PDGFRA: variants seen among roughly 807,000 people sequenced by gnomAD.
The protein encoded by PDGFRA is platelet-derived growth factor receptor alpha.
PDGFRA carries 25 observed loss-of-function variants against 121.5 expected under a neutral mutation model. The ratio of observed to expected loss-of-function variants is 0.21; its 90% CI spans 0.15 to 0.29. PDGFRA has a LOEUF of 0.29. Among genes scored for constraint, PDGFRA ranks in the 10% least tolerant of loss-of-function variants. The pLI is 1.00. For synonymous variants in PDGFRA, 463 were observed against 494.8 expected, an observed-to-expected ratio of 0.94 and a Z score of 0.85; for missense variants, 1,008 against 1,345.1, an observed-to-expected ratio of 0.75 and a Z score of 3.92.
intron 16 of PDGFRA, chr4:54,280,902 C>T (rs1724048129): frequency 6.1e-6 from 1 of 165,038 alleles, no homozygotes; most frequent in East Asian, 1.7e-4. Flanking sequence ...ATGTTGGTTC[C>T]TCACCTTGCT....
chr4:54,245,972 A>G (rs1465627404), intron 1 of PDGFRA, among the ~76,000 whole-genome samples: 2 of 152,172 alleles, frequency 1.3e-5, no homozygotes, highest in Non-Finnish European at 2.9e-5. Context: ...AAAGAAGGCC[A>G]TTACATAATG....
chr4:54,232,536 G>A (rs796525240), intron 1 of PDGFRA, among the ~76,000 whole-genome samples: 3 of 152,332 alleles, frequency 2.0e-5, no homozygotes, highest in African/African-American at 7.2e-5. Flanking sequence ...GGACTCTTGA[G>A]GGGGCAGAGG....
intron 19 of PDGFRA, among the ~76,000 whole-genome samples, chr4:54,288,444 G>A (rs1245021870): frequency 6.6e-6 from 1 of 152,134 alleles, no homozygotes; most frequent in Non-Finnish European, 1.5e-5. Flanking sequence ...AACATACCTG[G>A]TGAAAAAGAC....
In PDGFRA at chr4:54,260,403, T is replaced by TG. The variant is rs1300153734; in HGVS notation, c.50-692_50-691insG. Among the ~76,000 whole-genome samples, 20 of 103,392 alleles carry TG rather than the reference T, an allele frequency of 1.9e-4. No individual in the cohort carries two copies. The South Asian group carries it at 2.1e-3, about 11-fold the overall frequency. The allele number at this position is 103,392 out of a possible 152,430, so 67.8% of individuals were successfully genotyped here. Reference sequence around the variant, plus strand: ...CCATTCTTATTCCATGTGGGTTTTTTTTTTTTTTTTTTTTTTTTTTTTTGA... The same window carrying TG: ...CCATTCTTATTCCATGTGGGTTTTTTGTTTTTTTTTTTTTTTTTTTTTTTGA... On this transcript the variant is annotated intron_variant, in intron 2 of 22. Transcript: ENST00000257290.
At chr4:54,262,838 G>A (rs1447983769) in intron 3 of PDGFRA, among the ~76,000 whole-genome samples, 2 of 152,158 alleles carry the variant, frequency 1.3e-5, no homozygotes, top group Non-Finnish European at 2.9e-5. Flanking sequence ...AAAGGCACAC[G>A]AGTCCCTGAA....
Position 54,238,451 on chromosome 4 carries a change from C to T in PDGFRA, c.-13+9036C>T, listed in dbSNP as rs551909878. Among the ~76,000 whole-genome samples the T allele has an allele frequency of 2.6e-5, 4 of 152,230 alleles. No homozygotes were observed. The South Asian group carries it at 8.3e-4, about 32-fold the overall frequency. On this transcript the variant is annotated intron_variant, in intron 1 of 22. Transcript: ENST00000257290. ...TGCACACATATTTTAGCTTCCAAAG[C>T]CAATGATGGAACAAATTGTGTCCCA... is the stretch of plus-strand genomic sequence containing the variant.
At chr4:54,280,259 T>C (rs2110322658) in intron 15 of PDGFRA, 57 bp from the exon 16 acceptor site, 1 of 1,478,582 alleles carries the variant, frequency 6.8e-7, no homozygotes, top group African/African-American at 1.4e-5. Context: ...CTACTGAAAG[T>C]GGAATGACCA....
rs1341848365 is a variant in PDGFRA, at chr4:54,252,713, T to C, written c.-12-6044T>C. ...GCTTTTGGGACTGTGAGAGAGTCTC[T>C]TGTGGTCTTTAATCATGTGAGGGTG... On this transcript the variant is annotated intron_variant, in intron 1 of 22. Coordinates refer to ENST00000257290, the MANE Select transcript of PDGFRA (RefSeq NM_006206.6). 5.8e-4 allele frequency among the ~76,000 whole-genome samples: 89 copies of C among 152,318 alleles called. No homozygotes were observed. In the South Asian group the frequency reaches 6.6e-3, roughly 11 times the overall value.
In PDGFRA at chr4:54,285,398, A is replaced by T. The variant is rs900860957; in HGVS notation, c.2351A>T (p.Asp784Val). 6.6e-7 allele frequency: 1 copy of T among 1,523,718 alleles called. No individual in the cohort carries two copies. 94.4% of individuals were successfully genotyped at this position (1,523,718 alleles called of 1,614,324 possible). ...LDSEVKNLLS[D>V]DNSEGLTLLD... is the part of the protein sequence containing the mutation. ...TCAGAAGTCAAAAACCTCCTTTCAG[A>T]TGATAACTCAGAAGGCCTTACTTTA... The change falls in exon 17 of 23, where the codon GAT (aspartate) becomes GTT (valine). Residue 784 changes from aspartate to valine, a missense_variant. By Grantham distance (152) the Asp-to-Val change is radical. This residue lies in a region of PDGFRA where 128 missense variants were observed against 147.6 expected (regional missense o/e 0.87). Coordinates refer to ENST00000257290, the MANE Select transcript of PDGFRA (RefSeq NM_006206.6).
rs372352002 is a variant in PDGFRA at position 54,272,533 on chromosome 4, G to T, written c.1364+13G>T. ...AAGATATTAAGAAGTATGGAAAACA[G>T]ATGTGTCTTCTTCTTTCGTGGTCAG... On this transcript the variant is annotated intron_variant, in intron 9 of 22. Coordinates refer to ENST00000257290, the MANE Select transcript of PDGFRA (RefSeq NM_006206.6). 8.7e-6 allele frequency: 14 copies of T among 1,612,938 alleles called. 1 individual carries two copies. In the South Asian group the frequency reaches 1.5e-4, roughly 18 times the overall value.
chr4:54,290,699 G>A (rs965720386), intron 22 of PDGFRA, 145 bp downstream of exon 22: 81 of 924,432 alleles, frequency 8.8e-5, no homozygotes, highest in South Asian at 6.8e-4. Context: ...GGAGGTCCAC[G>A]TGGTTTTGAA....
chr4:54,253,023 G>C (rs1378519600), intron 1 of PDGFRA, among the ~76,000 whole-genome samples: 2 of 151,534 alleles, frequency 1.3e-5, no homozygotes, highest in Non-Finnish European at 2.9e-5. Context: ...TTCTGTGACT[G>C]TATATATTGG....
At position 54,281,641 on chromosome 4, in the gene PDGFRA, C is replaced by T. The variant is rs747101584; in HGVS notation, c.2323+1159C>T. ...AACCTGAGTCATGCTCAGGCCCAAG[C>T]CCTGTTGGCAGGCAGACCACTGCTT... On this transcript the variant is annotated intron_variant, in intron 16 of 22. Coordinates refer to ENST00000257290, the MANE Select transcript of PDGFRA (RefSeq NM_006206.6). The T allele has an allele frequency of 4.4e-6, 6 of 1,360,220 alleles. No individual in the cohort carries two copies. The South Asian group carries it at 4.9e-5, about 11-fold the overall frequency. 84.3% of individuals were successfully genotyped at this position (1,360,220 alleles called of 1,614,324 possible).
intron 2 of PDGFRA, among the ~76,000 whole-genome samples, chr4:54,259,890 G>A (rs1452888481): frequency 1.3e-5 from 2 of 152,018 alleles, no homozygotes; most frequent in Non-Finnish European, 2.9e-5. Context: ...TATCAGTCTC[G>A]GGTTTCTTGT....
At chr4:54,290,603 G>T in intron 22 of PDGFRA, 49 bp downstream of exon 22, 1 of 1,609,326 alleles carries the variant, frequency 6.2e-7, no homozygotes, top group Non-Finnish European at 8.5e-7. Flanking sequence ...TCCCCTATAG[G>T]CCCTGAAGGA....
At chr4:54,260,783 G>C (rs1722656651) in intron 2 of PDGFRA, among the ~76,000 whole-genome samples, 1 of 152,020 alleles carries the variant, frequency 6.6e-6, no homozygotes, top group Non-Finnish European at 1.5e-5. Flanking sequence ...TTGAGCCCGT[G>C]CCATCTTGGG....
intron 22 of PDGFRA, among the ~76,000 whole-genome samples, chr4:54,293,503 T>C (rs921805763): frequency 6.7e-6 from 1 of 148,270 alleles, no homozygotes; most frequent in African/African-American, 2.5e-5. Context: ...TGATCTCAGC[T>C]TACTGTAACC....
Position 54,262,034 on chromosome 4 carries a change from C to T in PDGFRA, c.367+622C>T, listed in dbSNP as rs966889617. On this transcript the variant is annotated intron_variant, in intron 3 of 22. Transcript: ENST00000257290. ...GCAATCTCAACTCCCTTGGTTCAAG[C>T]GATTCTCCCACTTCAGCCTCCCCAG... Among the ~76,000 whole-genome samples the T allele has an allele frequency of 2.0e-5, 3 of 149,632 alleles. No individual in the cohort carries two copies. In the East Asian group the frequency reaches 5.9e-4, roughly 30 times the overall value.
At chr4:54,231,994 C>T (rs1720702583) in intron 1 of PDGFRA, among the ~76,000 whole-genome samples, 2 of 152,226 alleles carry the variant, frequency 1.3e-5, no homozygotes, top group Admixed American at 1.3e-4. Flanking sequence ...GGGGACGGAC[C>T]GTGGGCGGCG....
Sources: allele counts gnomAD v4.1 joint callset (sites outside exome capture counted in the v4.1 genomes callset), GRCh38; gene constraint gnomAD v4.1.1; regional missense constraint gnomAD v4.1.1; transcripts MANE v1.5; gene names NCBI Gene and HGNC (gene_info 2026-07-23, HGNC 2026-07-21).